Variants in ZSWIM6 observed in about 807,000 individuals in gnomAD.
ZSWIM6 encodes zinc finger SWIM domain-containing protein 6.
In ZSWIM6, 9 loss-of-function variants were observed where a neutral mutation model predicts 113.2. The observed-to-expected ratio is 0.08, with a 90% CI of 0.05 to 0.14. The LOEUF is 0.14. ZSWIM6 is among the 10% of genes least tolerant of loss of function. The pLI is 1.00. For synonymous variants in ZSWIM6, 611 were observed against 606.5 expected, an observed-to-expected ratio of 1.01 and a Z score of -0.11; for missense variants, 1,162 against 1,552.2, an observed-to-expected ratio of 0.75 and a Z score of 4.22.
intron 4 of ZSWIM6, among the ~76,000 whole-genome samples, chr5:61,519,339 A>G (rs1749049779): frequency 6.6e-6 from 1 of 152,248 alleles, no homozygotes; most frequent in Middle Eastern, 3.4e-3. Flanking sequence ...CTGTGCTTAC[A>G]CCAGCTCAAT....
At chr5:61,446,452 C>T (rs897565703) in intron 1 of ZSWIM6, among the ~76,000 whole-genome samples, 10 of 152,172 alleles carry the variant, frequency 6.6e-5, no homozygotes, top group Non-Finnish European at 1.5e-4. Context: ...TCATCAATAA[C>T]TCAGAAAATT....
chr5:61,417,129 C>T (rs1746274920), intron 1 of ZSWIM6, among the ~76,000 whole-genome samples: 1 of 151,840 alleles, frequency 6.6e-6, no homozygotes, highest in Non-Finnish European at 1.5e-5. Flanking sequence ...GCAACAAGAG[C>T]AAACTCCGTC....
chr5:61,333,485 A>G (rs1744314625), intron 1 of ZSWIM6, among the ~76,000 whole-genome samples: 1 of 151,174 alleles, frequency 6.6e-6, no homozygotes, highest in Non-Finnish European at 1.5e-5. Context: ...AGGGGAATAC[A>G]CTTAAAGCCG....
intron 1 of ZSWIM6, among the ~76,000 whole-genome samples, chr5:61,438,274 G>A (rs1306238490): frequency 6.6e-6 from 1 of 152,138 alleles, no homozygotes; most frequent in Non-Finnish European, 1.5e-5. Context: ...AGATTTCCCA[G>A]TAAAAGAACA....
chr5:61,428,667 A>G (rs1746513742), intron 1 of ZSWIM6, among the ~76,000 whole-genome samples: 2 of 152,068 alleles, frequency 1.3e-5, no homozygotes, highest in South Asian at 4.1e-4. Context: ...CACTGTACTC[A>G]GTCTCTTAGG....
At chr5:61,340,614 T>G (rs1196167317) in intron 1 of ZSWIM6, among the ~76,000 whole-genome samples, 1 of 152,202 alleles carries the variant, frequency 6.6e-6, no homozygotes, top group Non-Finnish European at 1.5e-5. Context: ...CCCATTTTCC[T>G]GGTAAGAAAA....
At chr5:61,389,554 C>CAGA (rs1745659133) in intron 1 of ZSWIM6, among the ~76,000 whole-genome samples, 1 of 50,988 alleles carries the variant, frequency 2.0e-5, no homozygotes, top group African/African-American at 7.4e-5. Context: ...GACTCAGTCT[C>CAGA]AAAAAAAAAA....
At chr5:61,531,273 A>G (rs115167604) in intron 8 of ZSWIM6, among the ~76,000 whole-genome samples, 192 bp from the exon 9 acceptor site, 1 of 152,232 alleles carries the variant, frequency 6.6e-6, no homozygotes. Context: ...AAACGTAAAC[A>G]TTTAATCATT....
chr5:61,490,553 C>G (rs1302426276), intron 2 of ZSWIM6, among the ~76,000 whole-genome samples: 1 of 152,028 alleles, frequency 6.6e-6, no homozygotes, highest in Non-Finnish European at 1.5e-5. Context: ...ATAATAGTCT[C>G]TGAACCTAAA....
At position 61,333,117 on chromosome 5, in the gene ZSWIM6, C is replaced by T. The variant is rs570867454; in HGVS notation, c.676+169C>T. Among the ~76,000 whole-genome samples, 653 of 151,822 alleles carry T rather than the reference C, an allele frequency of 4.3e-3. 3 individuals are homozygous for T. The highest frequency in any genetic ancestry group is 0.014 in the African/African-American group (587 of 41,478). ...TCCTGAGCGGAGCGCCCATTTCCTC[C>T]CTCCCTTCCCTGCCCCCCGTCGCCC... On this transcript the variant is annotated intron_variant, in intron 1 of 13. Coordinates refer to ENST00000252744, the MANE Select transcript of ZSWIM6 (RefSeq NM_020928.2).
chr5:61,348,517 A>G (rs1246644011), intron 1 of ZSWIM6, among the ~76,000 whole-genome samples: 1 of 152,182 alleles, frequency 6.6e-6, no homozygotes, highest in African/African-American at 2.4e-5. Flanking sequence ...TCAGAATGTA[A>G]TCTGTAAAAA....
chr5:61,417,381 A>G (rs1746279302), intron 1 of ZSWIM6, among the ~76,000 whole-genome samples: 1 of 152,188 alleles, frequency 6.6e-6, no homozygotes, highest in African/African-American at 2.4e-5. Flanking sequence ...TTCAGTTTCA[A>G]AGTGGATTTT....
At chr5:61,484,130 C>A (rs1747952025) in intron 2 of ZSWIM6, among the ~76,000 whole-genome samples, 1 of 152,058 alleles carries the variant, frequency 6.6e-6, no homozygotes, top group African/African-American at 2.4e-5. Flanking sequence ...AAATTCAGGT[C>A]TACTTAAAAT....
At position 61,484,020 on chromosome 5, in the gene ZSWIM6, T is replaced by G. The variant is rs140289445; in HGVS notation, c.1034-6766T>G. Among the ~76,000 whole-genome samples, 928 of 152,220 alleles carry G rather than the reference T, an allele frequency of 6.1e-3. 9 individuals are homozygous for G. The highest frequency in any genetic ancestry group is 0.021 in the African/African-American group (873 of 41,548). On this transcript the variant is annotated intron_variant, in intron 2 of 13. Transcript: ENST00000252744. ...GTATTCTTCTATCACTTTTCACTAT[T>G]AGCATGAAAAAAAATAAGTGGATTA...
chr5:61,365,678 G>A (rs1219954314), intron 1 of ZSWIM6, among the ~76,000 whole-genome samples: 2 of 152,020 alleles, frequency 1.3e-5, no homozygotes, highest in African/African-American at 4.8e-5. Context: ...ACCACTTAGC[G>A]GTTTTCAGTA....
At chr5:61,352,575 C>T (rs986112996) in intron 1 of ZSWIM6, among the ~76,000 whole-genome samples, 1 of 152,216 alleles carries the variant, frequency 6.6e-6, no homozygotes, top group African/African-American at 2.4e-5. Context: ...AAAAATACAG[C>T]CTAGTTTTGT....
intron 2 of ZSWIM6, among the ~76,000 whole-genome samples, chr5:61,485,028 T>A (rs951705029): frequency 6.6e-6 from 1 of 152,154 alleles, no homozygotes; most frequent in African/African-American, 2.4e-5. Flanking sequence ...TTCTTAACTT[T>A]TTAAGTAAGA....
At position 61,530,209 on chromosome 5, in the gene ZSWIM6, T is replaced by C. The variant is rs577434456; in HGVS notation, c.1984+11T>C. 2 of 1,545,028 alleles carry C rather than the reference T, an allele frequency of 1.3e-6. No homozygotes were observed. The highest frequency in any genetic ancestry group is 2.4e-5 in the South Asian group (2 of 83,510). ...TCTCAGATTTTACAGGTAAAACCAT[T>C]GACATTTGTCTCATGTGCTTTTCTT... On this transcript the variant is annotated intron_variant, in intron 8 of 13. Transcript: ENST00000252744.
chr5:61,450,402 A>G (rs1210492845), intron 1 of ZSWIM6, among the ~76,000 whole-genome samples: 4 of 152,212 alleles, frequency 2.6e-5, no homozygotes, highest in Admixed American at 1.3e-4. Context: ...GGCTGGGACC[A>G]GATGGGAATG....
Sources: allele counts gnomAD v4.1 joint callset (sites outside exome capture counted in the v4.1 genomes callset), GRCh38; gene constraint gnomAD v4.1.1; transcripts MANE v1.5; gene names NCBI Gene and HGNC (gene_info 2026-07-23, HGNC 2026-07-21).